DAB1: variants seen among roughly 807,000 people sequenced by gnomAD.
DAB1 encodes the protein DAB adaptor protein 1.
DAB1 carries 15 observed loss-of-function variants against 64.6 expected under a neutral mutation model. That is an observed-to-expected ratio of 0.23 (90% CI 0.16 to 0.36). DAB1 has a LOEUF of 0.36. DAB1 is among the 10% of genes least tolerant of loss of function. The pLI is 1.00. For missense variants in DAB1, 596 were observed against 706.7 expected, an observed-to-expected ratio of 0.84 and a Z score of 1.78; for synonymous variants, 235 against 251.9, an observed-to-expected ratio of 0.93 and a Z score of 0.64.
In DAB1 at chr1:57,140,557, A is replaced by G. The variant is rs144348268; in HGVS notation, c.208-3916T>C. On this transcript the variant is annotated intron_variant, in intron 3 of 14. Transcript: ENST00000371236. ...CTACAAATATGTCCAAAAGTTTATGAAAATAGCTAGGTAGAACCAACAGCT... is the reference window on the plus strand; with the variant it reads ...CTACAAATATGTCCAAAAGTTTATGGAAATAGCTAGGTAGAACCAACAGCT... Among the ~76,000 whole-genome samples the G allele has an allele frequency of 5.1e-4, 78 of 152,272 alleles. 1 individual carries two copies. In the South Asian group the frequency reaches 0.014, roughly 26 times the overall value.
intron 1 of DAB1, among the ~76,000 whole-genome samples, chr1:57,317,621 G>A (rs1278418776): frequency 1.3e-5 from 2 of 151,896 alleles, no homozygotes; most frequent in African/African-American, 4.8e-5. Flanking sequence ...CATTATCTTT[G>A]AACACTACGT....
intron 4 of DAB1, among the ~76,000 whole-genome samples, chr1:58,205,887 G>A (rs187953427): frequency 6.6e-6 from 1 of 152,330 alleles, no homozygotes; most frequent in Admixed American, 6.5e-5. Context: ...CCCAGAATCT[G>A]AGGGAACCCA....
intron 2 of DAB1, among the ~76,000 whole-genome samples, chr1:57,281,057 C>T (rs1256482186): frequency 2.0e-5 from 3 of 152,034 alleles, no homozygotes; most frequent in Admixed American, 6.5e-5. Context: ...TGAGATTTTT[C>T]GTGGCCGTAA....
chr1:57,094,677 T>A (rs1011864028), intron 4 of DAB1, among the ~76,000 whole-genome samples: 3 of 152,198 alleles, frequency 2.0e-5, no homozygotes, highest in Non-Finnish European at 4.4e-5. Context: ...ATCCTAAAAT[T>A]ATTTTGAAAC....
intron 3 of DAB1, among the ~76,000 whole-genome samples, chr1:58,426,799 TA>T (rs1350473288): frequency 6.6e-6 from 1 of 152,070 alleles, no homozygotes; most frequent in South Asian, 2.1e-4. Context: ...AAAATAAAAT[TA>T]AAAAATAAAT....
intron 3 of DAB1, among the ~76,000 whole-genome samples, chr1:58,387,242 C>T (rs769227548): frequency 6.6e-6 from 1 of 152,184 alleles, no homozygotes; most frequent in Non-Finnish European, 1.5e-5. Flanking sequence ...TTCCCCTCCA[C>T]TCTCTGAAGG....
At chr1:58,236,097 GCCCGCCCC>G (rs1259405121) in intron 4 of DAB1, among the ~76,000 whole-genome samples, 1 of 116,430 alleles carries the variant, frequency 8.6e-6, no homozygotes, top group Non-Finnish European at 1.8e-5. Flanking sequence ...CTGCAGCCCT[GCCCGCCCC>G]CCCGCCCCAC....
chr1:57,029,519 T>G (rs541218321), intron 9 of DAB1, among the ~76,000 whole-genome samples: 2 of 152,066 alleles, frequency 1.3e-5, no homozygotes, highest in East Asian at 3.9e-4. Flanking sequence ...ACTGATAGCT[T>G]GTACCATGAG....
At chr1:57,700,155 C>T (rs574105034) in intron 6 of DAB1, among the ~76,000 whole-genome samples, 7 of 152,160 alleles carry the variant, frequency 4.6e-5, no homozygotes, top group Non-Finnish European at 1.0e-4. Context: ...GACTCCTTCA[C>T]TCTGTCCCCA....
chr1:57,377,459 C>G (rs575253215), intron 1 of DAB1, among the ~76,000 whole-genome samples: 46 of 152,192 alleles, frequency 3.0e-4, no homozygotes, highest in African/African-American at 1.1e-3. Context: ...TGCCCAGAAA[C>G]TGTAAATTCA....
At chr1:58,281,859 T>C (rs574397851) in intron 4 of DAB1, among the ~76,000 whole-genome samples, 2 of 152,318 alleles carry the variant, frequency 1.3e-5, no homozygotes, top group South Asian at 4.1e-4. Context: ...CTTAGAACAA[T>C]GACTGGGACA....
At chr1:57,440,279 G>A (rs937282031) in intron 7 of DAB1, among the ~76,000 whole-genome samples, 4 of 152,266 alleles carry the variant, frequency 2.6e-5, no homozygotes, top group Middle Eastern at 3.4e-3. Flanking sequence ...ATCTCTTAGA[G>A]TAGATGCTAA....
In DAB1 at chr1:57,064,851, G is replaced by A. The variant is rs558350624; in HGVS notation, c.664-1908C>T. On this transcript the variant is annotated intron_variant, in intron 8 of 14. Coordinates refer to ENST00000371236, the MANE Select transcript of DAB1 (RefSeq NM_001365792.1). ...GTGCAAGTAGCCAGTGAAGAATGTC[G>A]TTTCTTTGCTCCTGATAACTGAGCT... Among the ~76,000 whole-genome samples, 5 of 152,254 alleles carry A rather than the reference G, an allele frequency of 3.3e-5. No individual in the cohort carries two copies. The South Asian group carries it at 6.2e-4, about 19-fold the overall frequency.
intron 7 of DAB1, among the ~76,000 whole-genome samples, chr1:57,431,374 T>C (rs1221059996): frequency 1.3e-5 from 2 of 152,184 alleles, no homozygotes; most frequent in African/African-American, 4.8e-5. Flanking sequence ...AATCTTGTTT[T>C]AACTACATTT....
intron 3 of DAB1, among the ~76,000 whole-genome samples, chr1:58,456,958 T>C (rs778460673): frequency 2.6e-5 from 4 of 152,158 alleles, no homozygotes; most frequent in Non-Finnish European, 5.9e-5. Flanking sequence ...TAAGGTTCTA[T>C]TATTATTATC....
rs1051861464 is a variant in DAB1, at chr1:57,127,450, C to T, written c.306+9093G>A. 4.6e-5 allele frequency among the ~76,000 whole-genome samples: 7 copies of T among 152,282 alleles called. No homozygotes were observed. In the East Asian group the frequency reaches 1.4e-3, roughly 29 times the overall value. On this transcript the variant is annotated intron_variant, in intron 4 of 14. Transcript: ENST00000371236. ...CAAAGGAAGTACAGTGGAAAAATGC[C>T]CTGACCTTGCCTCGCTTTTTTCCTT...
chr1:58,501,068 T>C (rs943994599), intron 3 of DAB1, among the ~76,000 whole-genome samples: 1 of 152,198 alleles, frequency 6.6e-6, no homozygotes, highest in Non-Finnish European at 1.5e-5. Flanking sequence ...AACCAAAATA[T>C]GTGGAATATG....
intron 3 of DAB1, among the ~76,000 whole-genome samples, chr1:58,491,486 C>A (rs906152936): frequency 2.6e-5 from 4 of 152,120 alleles, no homozygotes; most frequent in Admixed American, 2.0e-4. Flanking sequence ...GATAAAGAGT[C>A]AAGACCCATC....
At chr1:58,240,306 C>T (rs954896836) in intron 4 of DAB1, among the ~76,000 whole-genome samples, 2 of 152,174 alleles carry the variant, frequency 1.3e-5, no homozygotes, top group Non-Finnish European at 2.9e-5. Context: ...CTGATCATAT[C>T]CTTAAAAGAA....
Sources: gnomAD v4.1 joint callset for allele counts (sites outside exome capture counted in the v4.1 genomes callset) on GRCh38, gnomAD v4.1.1 for gene constraint, MANE v1.5 for transcripts, NCBI Gene and HGNC (gene_info 2026-07-23, HGNC 2026-07-21) for gene names.